PRKG1: variants seen among roughly 807,000 people sequenced by gnomAD.
The protein encoded by PRKG1 is protein kinase cGMP-dependent 1, also known as cGMP-dependent protein kinase 1.
In PRKG1, 35 loss-of-function variants were observed where a neutral mutation model predicts 88.1. The ratio of observed to expected loss-of-function variants is 0.40; its 90% CI spans 0.30 to 0.53. The LOEUF (loss-of-function observed/expected upper bound fraction) is 0.53, where lower values mean the gene tolerates loss of function less well. PRKG1 is among the 20% of genes least tolerant of loss of function. The pLI, the probability that PRKG1 is intolerant of heterozygous loss-of-function variation, is 0.59. For missense variants in PRKG1, 540 were observed against 839.8 expected (o/e 0.64, Z 4.41); for synonymous variants, 303 against 292.5 (o/e 1.04, Z -0.37).
chr10:51,122,847 T>TA (rs1438178888), intron 1 of PRKG1, among the ~76,000 whole-genome samples: 2 of 152,162 alleles, frequency 1.3e-5, no homozygotes, highest in Non-Finnish European at 2.9e-5. Flanking sequence ...TCTCTCTCAC[T>TA]AAAACCAGGT....
chr10:51,863,654 C>G lies in PRKG1; in HGVS notation c.699-43853C>G, dbSNP rs78176565. Among the ~76,000 whole-genome samples, 3 of 152,240 alleles carry G rather than the reference C, an allele frequency of 2.0e-5. No individual in the cohort carries two copies. In the South Asian group the frequency reaches 6.2e-4, roughly 32 times the overall value. ...AAATTCCATCTCCTGCTCTCTCTCA[C>G]CCTTTCTTTGCCCTTCCACCATGAG... On this transcript the variant is annotated intron_variant, in intron 4 of 17. Transcript: ENST00000373980.
chr10:51,353,131 T>C (rs964078461), intron 2 of PRKG1, among the ~76,000 whole-genome samples: 4 of 152,064 alleles, frequency 2.6e-5, no homozygotes, highest in Admixed American at 6.6e-5. Flanking sequence ...TCTCATCTTA[T>C]ACAAAAATAA....
chr10:51,528,412 A>G (rs184799124), intron 3 of PRKG1, among the ~76,000 whole-genome samples: 3 of 143,502 alleles, frequency 2.1e-5, no homozygotes, highest in East Asian at 2.0e-4. Flanking sequence ...ATCTGTCTAA[A>G]TACACTTTTT....
intron 9 of PRKG1, among the ~76,000 whole-genome samples, chr10:52,232,306 G>A (rs1589719189): frequency 6.7e-6 from 1 of 149,932 alleles, no homozygotes; most frequent in African/African-American, 2.5e-5. Context: ...CCATCTCACA[G>A]AAAACAAACA....
At chr10:51,307,931 A>C (rs1841080013) in intron 2 of PRKG1, among the ~76,000 whole-genome samples, 1 of 152,196 alleles carries the variant, frequency 6.6e-6, no homozygotes, top group Non-Finnish European at 1.5e-5. Context: ...TTGGTTGTCA[A>C]AATTCAGGTA....
intron 1 of PRKG1, among the ~76,000 whole-genome samples, chr10:51,065,179 A>G (rs2132788703): frequency 6.6e-6 from 1 of 152,266 alleles, no homozygotes; most frequent in Non-Finnish European, 1.5e-5. Flanking sequence ...CTCCAAATAA[A>G]GCAGTCAGCT....
intron 3 of PRKG1, among the ~76,000 whole-genome samples, chr10:51,588,788 A>C (rs1025713268): frequency 1.3e-5 from 2 of 152,216 alleles, no homozygotes; most frequent in African/African-American, 4.8e-5. Flanking sequence ...CATGTGAACC[A>C]CAATTAAAAT....
chr10:51,907,754 A>G (rs1269226085), intron 5 of PRKG1, 184 bp downstream of exon 5: 1 of 484,978 alleles, frequency 2.1e-6, no homozygotes, highest in Non-Finnish European at 3.6e-6. Context: ...ATTTATATGC[A>G]GAAAGGTGCA....
At chr10:51,128,956 G>A (rs547952054) in intron 1 of PRKG1, among the ~76,000 whole-genome samples, 1 of 152,246 alleles carries the variant, frequency 6.6e-6, no homozygotes, top group Non-Finnish European at 1.5e-5. Flanking sequence ...TTGTAATGAT[G>A]GCCTGCAAGA....
Position 52,114,244 on chromosome 10 carries a change from G to A in PRKG1, c.936-19596G>A, listed in dbSNP as rs534885343. On this transcript the variant is annotated intron_variant, in intron 7 of 17. Coordinates refer to ENST00000373980, the MANE Select transcript of PRKG1 (RefSeq NM_006258.4). ...TGGGGAGATAATATGATTAGTGGAA[G>A]GTACATGGATGTTGGGAACAAATGT... Among the ~76,000 whole-genome samples the A allele has an allele frequency of 3.9e-5, 6 of 152,124 alleles. No homozygotes were observed. In the East Asian group the frequency reaches 1.2e-3, roughly 29 times the overall value.
rs765705006 is a variant in PRKG1 at position 51,652,284 on chromosome 10, A to G, written c.593-152301A>G. Among the ~76,000 whole-genome samples the G allele has an allele frequency of 7.3e-5, 11 of 151,332 alleles. No individual in the cohort carries two copies. In the South Asian group the frequency reaches 1.9e-3, roughly 26 times the overall value. The stretch of plus-strand genomic sequence containing the variant: ...GTTAATATTTTTTGTTTAAGGAAAT[A>G]ATCACTAATGTTAGTTAAGTGATTT... On this transcript the variant is annotated intron_variant, in intron 3 of 17. Transcript: ENST00000373980.
intron 3 of PRKG1, among the ~76,000 whole-genome samples, chr10:51,498,425 A>G (rs1161521156): frequency 6.6e-6 from 1 of 152,218 alleles, no homozygotes; most frequent in Non-Finnish European, 1.5e-5. Context: ...GAAGTTTTAA[A>G]AGCAGGCACT....
intron 2 of PRKG1, among the ~76,000 whole-genome samples, chr10:51,273,172 C>A (rs60768858): frequency 0.13 from 19,840 of 152,044 alleles, 1,397 homozygotes; most frequent in East Asian, 0.19. Context: ...GAAATCCCTG[C>A]TATCTTTCTT....
intron 5 of PRKG1, among the ~76,000 whole-genome samples, chr10:52,041,599 G>T (rs956506541): frequency 6.6e-6 from 1 of 152,120 alleles, no homozygotes; most frequent in Non-Finnish European, 1.5e-5. Flanking sequence ...AAGCCATCAG[G>T]TCCCATGCTT....
intron 5 of PRKG1, among the ~76,000 whole-genome samples, chr10:52,011,019 T>G (rs1369102109): frequency 6.6e-6 from 1 of 152,210 alleles, no homozygotes; most frequent in Non-Finnish European, 1.5e-5. Context: ...GTTCTGTCAG[T>G]GTTGGACAGT....
At chr10:51,551,008 A>C (rs929236487) in intron 3 of PRKG1, among the ~76,000 whole-genome samples, 2 of 151,940 alleles carry the variant, frequency 1.3e-5, no homozygotes, top group Non-Finnish European at 2.9e-5. Context: ...GTCCAAATTC[A>C]GGCATATAAA....
At chr10:51,171,848 T>C (rs1169886700) in intron 2 of PRKG1, among the ~76,000 whole-genome samples, 21 of 152,088 alleles carry the variant, frequency 1.4e-4, no homozygotes, top group Admixed American at 1.2e-3. Context: ...TATATGCTGG[T>C]TTCCTTAATA....
chr10:51,796,391 A>C (rs1281135087), intron 3 of PRKG1, among the ~76,000 whole-genome samples: 4 of 152,090 alleles, frequency 2.6e-5, no homozygotes, highest in South Asian at 2.1e-4. Context: ...ATAAATGTAA[A>C]ATTATTCCTA....
At chr10:51,072,759 AT>A (rs1484088216), upstream of PRKG1, among the ~76,000 whole-genome samples, 1 of 152,148 alleles carries the variant, frequency 6.6e-6, no homozygotes, top group Non-Finnish European at 1.5e-5. Flanking sequence ...ATATTTTGTC[AT>A]TTAGTCCTCT....
Sources: gnomAD v4.1 joint callset for allele counts (sites outside exome capture counted in the v4.1 genomes callset) on GRCh38, gnomAD v4.1.1 for gene constraint, MANE v1.5 for transcripts, NCBI Gene and HGNC (gene_info 2026-07-23, HGNC 2026-07-21) for gene names.